THADA: variants seen among roughly 807,000 people sequenced by gnomAD.
The protein encoded by THADA is THADA armadillo repeat containing, also known as tRNA (32-2'-O)-methyltransferase regulator THADA.
In THADA, 213 loss-of-function variants were observed where a neutral mutation model predicts 219.8. That is an observed-to-expected ratio of 0.97 (90% CI 0.87 to 1.09). The LOEUF is 1.09. Ranked by LOEUF, THADA falls within the 50% of genes least tolerant of loss-of-function variation. The pLI is 0.00. For missense variants in THADA, 2,956 were observed against 2,311.3 expected (o/e 1.28, Z -5.72); for synonymous variants, 1,018 against 828.9 (o/e 1.23, Z -3.92).
chr2:43,571,064 T>C lies in THADA; in HGVS notation c.2065-554A>G, dbSNP rs1407628779. Among the ~76,000 whole-genome samples, 4 of 152,216 alleles carry C rather than the reference T, an allele frequency of 2.6e-5. No homozygotes were observed. In the East Asian group the frequency reaches 7.7e-4, roughly 29 times the overall value. On this transcript the variant is annotated intron_variant, in intron 13 of 37. Coordinates refer to ENST00000405975, the MANE Select transcript of THADA (RefSeq NM_022065.5). ...AGAGTCCAGGAGTTTAAGACCAGCC[T>C]GGGTAACAGAGCAAGACACTATCTC...
intron 26 of THADA, among the ~76,000 whole-genome samples, chr2:43,431,476 G>GT (rs905081153): frequency 1.4e-4 from 21 of 151,640 alleles, no homozygotes; most frequent in Non-Finnish European, 2.9e-4. Flanking sequence ...TTGTTTGTTT[G>GT]TTTTTTTGAG....
At chr2:43,426,343 A>C in intron 28 of THADA, among the ~76,000 whole-genome samples, 1 of 152,192 alleles carries the variant, frequency 6.6e-6, no homozygotes, top group Non-Finnish European at 1.5e-5. Context: ...CACAAATTCA[A>C]TGTTCTTAAG....
chr2:43,387,957 G>A lies in THADA; in HGVS notation c.4227+10014C>T, dbSNP rs1672892172. 2.6e-5 allele frequency among the ~76,000 whole-genome samples: 4 copies of A among 152,118 alleles called. No individual in the cohort carries two copies. The South Asian group carries it at 8.3e-4, about 32-fold the overall frequency. On this transcript the variant is annotated intron_variant, in intron 29 of 37. Coordinates refer to ENST00000405975, the MANE Select transcript of THADA (RefSeq NM_022065.5). ...AGCCTGTGTGTCAATTTTACTTCAGGCATCTGGGGTGGCTGCCAAATTGGC... is the reference window on the plus strand; with the variant it reads ...AGCCTGTGTGTCAATTTTACTTCAGACATCTGGGGTGGCTGCCAAATTGGC...
rs552500340 is a variant in THADA, at chr2:43,353,279, A to G, written c.4228-9042T>C. On this transcript the variant is annotated intron_variant, in intron 29 of 37. Transcript: ENST00000405975. ...ACTGTTTTCCATCATGGAGGCATCA[A>G]TCTGCGTGCCCACTCACAGGATGCA... 6.6e-5 allele frequency among the ~76,000 whole-genome samples: 10 copies of G among 152,302 alleles called. No homozygotes were observed. The South Asian group carries it at 1.7e-3, about 25-fold the overall frequency.
chr2:43,471,040 T>G (rs1376410362), intron 26 of THADA, among the ~76,000 whole-genome samples: 1 of 152,178 alleles, frequency 6.6e-6, no homozygotes, highest in African/African-American at 2.4e-5. Flanking sequence ...ATAGGCCTAC[T>G]GAAAACATAC....
Position 43,577,188 on chromosome 2 carries a change from T to C in THADA, c.871A>G (p.Met291Val), listed in dbSNP as rs372607575. The C allele has an allele frequency of 8.7e-6, 14 of 1,605,960 alleles. No individual in the cohort carries two copies. The highest frequency in any genetic ancestry group is 5.3e-5 in the African/African-American group (4 of 74,782). ...VDCTSVPEWF[M>V]SSCRSLCCGD... ...CAACAGAGGCTCCTGCAGCTGCTCA[T>C]AAACCACTCGGGGACACTGGTGCAG... The change falls in exon 10 of 38, where the codon ATG becomes GTG. Residue 291 changes from methionine to valine, a missense_variant. Transcript: ENST00000405975.
At chr2:43,519,465 T>C (rs1425333372) in intron 22 of THADA, among the ~76,000 whole-genome samples, 1 of 152,148 alleles carries the variant, frequency 6.6e-6, no homozygotes, top group Non-Finnish European at 1.5e-5. Context: ...ATAGAGAAGA[T>C]AATGACTCTA....
At chr2:43,520,499 G>A (rs1692266558) in intron 22 of THADA, among the ~76,000 whole-genome samples, 1 of 151,944 alleles carries the variant, frequency 6.6e-6, no homozygotes, top group Non-Finnish European at 1.5e-5. Context: ...ACCAGCCTGG[G>A]CAACACGGCA....
intron 36 of THADA, among the ~76,000 whole-genome samples, chr2:43,265,487 G>A (rs1005674533): frequency 2.0e-5 from 3 of 152,052 alleles, no homozygotes; most frequent in African/African-American, 7.2e-5. Context: ...GACTTGTGCC[G>A]GGCCCTTTCC....
chr2:43,282,870 G>A (rs1673527244), intron 35 of THADA, among the ~76,000 whole-genome samples: 1 of 152,172 alleles, frequency 6.6e-6, no homozygotes, highest in Non-Finnish European at 1.5e-5. Context: ...GAGAGACATG[G>A]ACGTGTACAA....
At chr2:43,405,031 C>A (rs1675362398) in intron 28 of THADA, among the ~76,000 whole-genome samples, 1 of 152,182 alleles carries the variant, frequency 6.6e-6, no homozygotes, top group Non-Finnish European at 1.5e-5. Flanking sequence ...CAGAGCCTGG[C>A]CTGTACCAAA....
intron 26 of THADA, among the ~76,000 whole-genome samples, chr2:43,433,640 C>A (rs1203760908): frequency 1.3e-5 from 2 of 152,120 alleles, no homozygotes; most frequent in African/African-American, 4.8e-5. Context: ...CAACGCAATT[C>A]CAATAAAAAC....
At chr2:43,400,460 T>TAC (rs1674675141) in intron 28 of THADA, among the ~76,000 whole-genome samples, 1 of 138,972 alleles carries the variant, frequency 7.2e-6, no homozygotes, top group African/African-American at 2.8e-5. Flanking sequence ...GACAAATTTA[T>TAC]ATATATATAT....
chr2:43,519,741 G>A (rs111659889), intron 22 of THADA, among the ~76,000 whole-genome samples: 39 of 152,318 alleles, frequency 2.6e-4, no homozygotes, highest in African/African-American at 8.7e-4. Flanking sequence ...TAATTAAGGA[G>A]CAACTAGTGC....
chr2:43,403,628 C>G (rs538343045), intron 28 of THADA, among the ~76,000 whole-genome samples: 1 of 152,118 alleles, frequency 6.6e-6, no homozygotes, highest in Admixed American at 6.5e-5. Flanking sequence ...AGTTCCTCCC[C>G]ATTTCCTGGC....
chr2:43,246,221 G>A (rs1558460848), intron 36 of THADA, among the ~76,000 whole-genome samples: 2 of 152,216 alleles, frequency 1.3e-5, no homozygotes, highest in African/African-American at 4.8e-5. Context: ...GAGGCTGGAC[G>A]TGGTGGCTCA....
intron 26 of THADA, among the ~76,000 whole-genome samples, chr2:43,442,667 G>A (rs547994152): frequency 2.0e-5 from 3 of 152,228 alleles, no homozygotes; most frequent in Non-Finnish European, 4.4e-5. Context: ...GGCTTTGACA[G>A]TTTCTGAACA....
chr2:43,266,793 G>C (rs1355097100), intron 36 of THADA, among the ~76,000 whole-genome samples: 1 of 152,094 alleles, frequency 6.6e-6, no homozygotes, highest in African/African-American at 2.4e-5. Context: ...GCATGGGGCT[G>C]GGTAGAATCG....
intron 25 of THADA, among the ~76,000 whole-genome samples, chr2:43,495,015 T>G (rs1479562596): frequency 6.6e-6 from 1 of 152,232 alleles, no homozygotes; most frequent in Non-Finnish European, 1.5e-5. Flanking sequence ...AGTACAGATG[T>G]AGCCAGCTTT....
Sources: gnomAD v4.1 joint callset for allele counts (sites outside exome capture counted in the v4.1 genomes callset) on GRCh38, gnomAD v4.1.1 for gene constraint, MANE v1.5 for transcripts, NCBI Gene and HGNC (gene_info 2026-07-23, HGNC 2026-07-21) for gene names.